SLC25A19: variants seen among roughly 807,000 people sequenced by gnomAD.
SLC25A19 encodes the protein solute carrier family 25 member 19, also known as mitochondrial thiamine pyrophosphate carrier.
A neutral mutation model predicts 27.9 loss-of-function variants in SLC25A19; 18 were observed. That is an observed-to-expected ratio of 0.64 (90% CI 0.45 to 0.96). The LOEUF is 0.96. SLC25A19 is among the 40% of genes least tolerant of loss of function. The pLI is 0.00. For missense variants in SLC25A19, 371 were observed against 418.3 expected (o/e 0.89, Z 0.99); for synonymous variants, 169 against 167.1 (o/e 1.01, Z -0.09).
At chr17:75,281,053 G>A (rs1310072514) in intron 5 of SLC25A19, among the ~76,000 whole-genome samples, 1 of 151,732 alleles carries the variant, frequency 6.6e-6, no homozygotes, top group Non-Finnish European at 1.5e-5. Context: ...TTAGTCAGGT[G>A]TGATGGCACA....
intron 5 of SLC25A19, 24 bp downstream of exon 5, chr17:75,283,399 C>T (rs1314307293): frequency 6.2e-7 from 1 of 1,610,150 alleles, no homozygotes; most frequent in African/African-American, 1.3e-5. Flanking sequence ...TTGGGCTTCC[C>T]CGGTCTGGCT....
chr17:75,286,382 C>T lies in SLC25A19; in HGVS notation c.210G>A (p.Leu70=). The T allele has an allele frequency of 3.1e-6, 5 of 1,614,192 alleles. No homozygotes were observed. Among genetic ancestry groups the T allele is most frequent in the East Asian group, 2.2e-5 (1 of 44,884 alleles). The change falls in exon 4 of 8, where the codon CTG becomes CTA. Residue 70 remains leucine, a synonymous_variant. Coordinates refer to ENST00000416858, the MANE Select transcript of SLC25A19 (RefSeq NM_001126121.2). ...HGILQASRQI[L]QEEGPTAFWK... ...AGAAAGCTGTCGGACCCTCCTCCTG[C>T]AGAATCTGCCTAGAGGCCTGGAGGA...
At chr17:75,275,404 A>C (rs2077857839) in intron 7 of SLC25A19, among the ~76,000 whole-genome samples, 2 of 151,746 alleles carry the variant, frequency 1.3e-5, no homozygotes, top group African/African-American at 4.8e-5. Context: ...CTCTCTCCCT[A>C]CCTTGCCTCC....
Position 75,273,645 on chromosome 17 carries a change from G to A in SLC25A19, c.775-6C>T, listed in dbSNP as rs775227041. 3.7e-6 allele frequency: 6 copies of A among 1,612,158 alleles called. No individual in the cohort carries two copies. In the Admixed American group the frequency reaches 1.0e-4, roughly 27 times the overall value. On this transcript the variant is annotated splice_region_variant and splice_polypyrimidine_tract_variant and intron_variant, in intron 7 of 7. Coordinates refer to ENST00000416858, the MANE Select transcript of SLC25A19 (RefSeq NM_001126121.2). Reference sequence around the variant, plus strand: ...AGGCCCTTGTATCTCCGTACCTGGGGAGAGGAAAGGGATGAAAATATGGAT... The same window carrying A: ...AGGCCCTTGTATCTCCGTACCTGGGAAGAGGAAAGGGATGAAAATATGGAT...
At position 75,273,341 on chromosome 17, in the gene SLC25A19, T is replaced by A; in HGVS notation, c.*110A>T. The A allele has an allele frequency of 7.8e-7, 1 of 1,277,772 alleles. No homozygotes were observed. The allele number at this position is 1,277,772 out of a possible 1,614,324, so 79.2% of individuals were successfully genotyped here. A position where few individuals can be genotyped will look rare whatever the true frequency, so the allele number is the denominator to read the frequency against. ...GGTGGGTTCAAGGCTGCTACCCCGC[T>A]TGGGGCAGCTGGCCTGCAGGGAAGG... On this transcript the variant is annotated 3_prime_UTR_variant, in exon 8 of 8. Coordinates refer to ENST00000416858, the MANE Select transcript of SLC25A19 (RefSeq NM_001126121.2).
Position 75,283,509 on chromosome 17 carries a change from CACAT to C in SLC25A19, c.369_372del (p.Cys124ValfsTer58). The C allele has an allele frequency of 1.9e-6, 3 of 1,613,760 alleles. No individual in the cohort carries two copies. The highest frequency in any genetic ancestry group is 2.5e-6 in the Non-Finnish European group (3 of 1,179,914). ...GTGGCCATACAGGCAGCCAGGCCAC[CACAT>C]ACAAAGTGCACTGAGAATTCCCGGG... On this transcript the variant is annotated frameshift_variant, in exon 5 of 8. Transcript: ENST00000416858. LOFTEE classifies it high-confidence loss of function.
At chr17:75,275,801 C>G (rs2077869972) in intron 7 of SLC25A19, among the ~76,000 whole-genome samples, 1 of 151,216 alleles carries the variant, frequency 6.6e-6, no homozygotes, top group South Asian at 2.1e-4. Flanking sequence ...ATGGTGAAAC[C>G]CCGTCTCTTC....
chr17:75,273,133 G>A lies in SLC25A19; in HGVS notation c.*318C>T, dbSNP rs2077768619. ...GACCAGGAGTGTGTTCTGTTCTCCT[G>A]GCAGGCAGGGCTGATAGGTGTAGGA... On this transcript the variant is annotated 3_prime_UTR_variant, in exon 8 of 8. Transcript: ENST00000416858. 4 of 403,388 alleles carry A rather than the reference G, an allele frequency of 9.9e-6. No individual in the cohort carries two copies. The highest frequency in any genetic ancestry group is 9.0e-5 in the South Asian group (4 of 44,482). 25.0% of individuals were successfully genotyped at this position (403,388 alleles called of 1,614,324 possible). A position where few individuals can be genotyped will look rare whatever the true frequency, so the allele number is the denominator to read the frequency against.
intron 7 of SLC25A19, among the ~76,000 whole-genome samples, chr17:75,275,513 GC>G (rs2077861471): frequency 6.6e-6 from 1 of 152,016 alleles, no homozygotes; most frequent in South Asian, 2.1e-4. Flanking sequence ...GCCTGGAATT[GC>G]CCATCCTTAG....
chr17:75,287,356 C>G (rs762049455), intron 2 of SLC25A19: 16 of 156,752 alleles, frequency 1.0e-4, no homozygotes, highest in Non-Finnish European at 2.0e-4. Flanking sequence ...TCTCCTGCCT[C>G]AGCCTCCTGA....
chr17:75,276,231 T>C (rs531549310), intron 7 of SLC25A19, among the ~76,000 whole-genome samples: 2 of 152,116 alleles, frequency 1.3e-5, no homozygotes, highest in African/African-American at 4.8e-5. Context: ...GCCGAGATCG[T>C]GCCATTGCAC....
chr17:75,273,772 T>TA, intron 7 of SLC25A19, 133 bp from the exon 8 acceptor site: 1 of 950,414 alleles, frequency 1.1e-6, no homozygotes. Context: ...TATTTTATTT[T>TA]TTCGTTGAGG....
At chr17:75,285,168 C>T (rs1598195843) in intron 4 of SLC25A19, among the ~76,000 whole-genome samples, 1 of 152,170 alleles carries the variant, frequency 6.6e-6, no homozygotes, top group South Asian at 2.1e-4. Flanking sequence ...AACTCCTGAG[C>T]TCAAGCCATC....
chr17:75,284,711 C>T (rs899321), intron 4 of SLC25A19, among the ~76,000 whole-genome samples: 107,135 of 148,708 alleles, frequency 0.72, 39,570 homozygotes, highest in East Asian at 0.88. Context: ...GGCACAAACA[C>T]GGCTCACTGC....
Position 75,277,456 on chromosome 17 carries a change from C to A in SLC25A19, c.671G>T (p.Ser224Ile), listed in dbSNP as rs1320481673. 1 of 1,614,080 alleles carries A rather than the reference C, an allele frequency of 6.2e-7. No homozygotes were observed. Among genetic ancestry groups the A allele is most frequent in the Non-Finnish European group, 8.5e-7 (1 of 1,179,990 alleles). The change falls in exon 7 of 8, where the codon AGT becomes ATT. Residue 224 changes from serine to isoleucine, a missense_variant. Coordinates refer to ENST00000416858, the MANE Select transcript of SLC25A19 (RefSeq NM_001126121.2). ...NENLQNLLCG[S>I]GAGVISKTLT... ...GGTCTTGCTGATGACACCAGCTCCA[C>A]TGCCACAAAGCAGGTTTTGGAGGTT...
At position 75,277,479 on chromosome 17, in the gene SLC25A19, G is replaced by A; in HGVS notation, c.648C>T (p.Asn216=). ...CACTGCCACAAAGCAGGTTTTGGAG[G>A]TTCTCTGAACCAGAGAAGTGGGATT... The part of the protein sequence containing the change: ...AIPAEGKKNE[N]LQNLLCGSGA... Residue 216 remains asparagine (N), a synonymous_variant, in exon 7 of 8, where the codon AAC becomes AAT. Transcript: ENST00000416858. The A allele has an allele frequency of 1.2e-6, 2 of 1,613,938 alleles. No individual in the cohort carries two copies. The highest frequency in any genetic ancestry group is 1.7e-6 in the Non-Finnish European group (2 of 1,179,904).
chr17:75,279,697 C>G (rs142241068), intron 5 of SLC25A19, among the ~76,000 whole-genome samples: 1 of 151,756 alleles, frequency 6.6e-6, no homozygotes, highest in Non-Finnish European at 1.5e-5. Context: ...TTAGTAGAGA[C>G]GGGGTTTCAT....
At position 75,274,598 on chromosome 17, in the gene SLC25A19, C is replaced by T. The variant is rs564329140; in HGVS notation, c.775-959G>A. 7.2e-5 allele frequency among the ~76,000 whole-genome samples: 11 copies of T among 152,236 alleles called. No homozygotes were observed. In the South Asian group the frequency reaches 2.3e-3, roughly 32 times the overall value. On this transcript the variant is annotated intron_variant, in intron 7 of 7. Transcript: ENST00000416858. ...CACTAGTCTTTGTTAGCAGTAAGGCCTCCCTCTGCCATCCTGGGCTCTCAC... is the reference window on the plus strand; with the variant it reads ...CACTAGTCTTTGTTAGCAGTAAGGCTTCCCTCTGCCATCCTGGGCTCTCAC...
intron 2 of SLC25A19, 100 bp downstream of exon 2, chr17:75,288,402 C>T (rs1246889397): frequency 1.3e-5 from 2 of 152,200 alleles, no homozygotes; most frequent in East Asian, 3.8e-4. Flanking sequence ...TCAAGGCTAG[C>T]TCCTCTCATC....
Sources: allele counts gnomAD v4.1 joint callset (sites outside exome capture counted in the v4.1 genomes callset), GRCh38; gene constraint gnomAD v4.1.1; transcripts MANE v1.5; gene names NCBI Gene and HGNC (gene_info 2026-07-23, HGNC 2026-07-21).